Variants in COL5A2 observed in about 807,000 individuals in gnomAD.
The protein encoded by COL5A2 is collagen type V alpha 2 chain.
In COL5A2, 23 loss-of-function variants were observed where a neutral mutation model predicts 208.2. The observed-to-expected ratio is 0.11, with a 90% CI of 0.08 to 0.16. COL5A2 has a LOEUF of 0.16. Ranked by LOEUF, COL5A2 falls within the 10% of genes least tolerant of loss-of-function variation. The pLI is 1.00. For missense variants in COL5A2, 1,590 were observed against 1,956.4 expected (o/e 0.81, Z 3.53); for synonymous variants, 625 against 628.5 (o/e 0.99, Z 0.08).
chr2:189,163,386 A>G (rs1420671402), intron 1 of COL5A2, among the ~76,000 whole-genome samples: 2 of 152,240 alleles, frequency 1.3e-5, no homozygotes, highest in Admixed American at 6.5e-5. Context: ...AACACAACAC[A>G]TGATGCATTT....
the COL5A2 span, among the ~76,000 whole-genome samples, chr2:189,376,682 G>T: frequency 6.6e-6 from 1 of 152,148 alleles, no homozygotes; most frequent in Non-Finnish European, 1.5e-5. Context: ...CTATGCAGTT[G>T]TAAGAATCCT....
intron 4 of COL5A2, 49 bp downstream of exon 4, chr2:189,100,058 G>A (rs372673369): frequency 1.8e-4 from 256 of 1,431,550 alleles, no homozygotes; most frequent in Non-Finnish European, 1.1e-4. Context: ...TATACTATAA[G>A]CTAAGTTTAT....
the COL5A2 span, among the ~76,000 whole-genome samples, chr2:189,363,702 A>G: frequency 7.9e-5 from 12 of 152,170 alleles, no homozygotes; most frequent in African/African-American, 2.9e-4. Flanking sequence ...TAACAGATCA[A>G]CTTCCTCTTC....
chr2:189,114,532 A>G (rs760976200), intron 1 of COL5A2, among the ~76,000 whole-genome samples: 6 of 152,026 alleles, frequency 3.9e-5, no homozygotes, highest in Non-Finnish European at 8.8e-5. Context: ...TTTTCAAATG[A>G]CATTCTGAGA....
the COL5A2 span, among the ~76,000 whole-genome samples, chr2:189,374,710 A>T: frequency 6.6e-6 from 1 of 152,244 alleles, no homozygotes; most frequent in South Asian, 2.1e-4. Flanking sequence ...ATACTGTTGC[A>T]TCTTACTGTA....
At chr2:189,118,956 T>C (rs886423549) in intron 1 of COL5A2, among the ~76,000 whole-genome samples, 4 of 151,832 alleles carry the variant, frequency 2.6e-5, no homozygotes, top group Non-Finnish European at 5.9e-5. Flanking sequence ...AAAAAAACTG[T>C]AATTGTTATT....
the COL5A2 span, among the ~76,000 whole-genome samples, chr2:189,265,281 A>T: frequency 6.6e-6 from 1 of 152,256 alleles, no homozygotes; most frequent in Admixed American, 6.5e-5. Flanking sequence ...ACAACAACAG[A>T]TATTTATTCT....
chr2:189,350,296 A>G, the COL5A2 span, among the ~76,000 whole-genome samples: 1 of 152,168 alleles, frequency 6.6e-6, no homozygotes, highest in East Asian at 1.9e-4. Flanking sequence ...CTGGAACAAA[A>G]TGAAGGTCAA....
the COL5A2 span, among the ~76,000 whole-genome samples, chr2:189,256,319 G>C: frequency 6.6e-6 from 1 of 152,142 alleles, no homozygotes; most frequent in Non-Finnish European, 1.5e-5. Context: ...GTATCTTGGA[G>C]GACACTTATA....
chr2:189,050,163 C>T (rs1273869474), intron 43 of COL5A2, among the ~76,000 whole-genome samples: 1 of 152,156 alleles, frequency 6.6e-6, no homozygotes, highest in African/African-American at 2.4e-5. Context: ...TCAAATATTA[C>T]TTTAGCTCAA....
the COL5A2 span, among the ~76,000 whole-genome samples, chr2:189,278,506 C>T: frequency 5.4e-3 from 822 of 152,026 alleles, 6 homozygotes; most frequent in African/African-American, 0.019. Flanking sequence ...AGTCATAAAC[C>T]ATGTTTTCAA....
intron 6 of COL5A2, chr2:189,095,888 G>C (rs1686900010): frequency 6.6e-6 from 1 of 152,004 alleles, no homozygotes; most frequent in African/African-American, 2.4e-5. Context: ...ACCAACACTA[G>C]TGAGAAAACT....
At chr2:189,232,212 C>A in the COL5A2 span, among the ~76,000 whole-genome samples, 1 of 151,722 alleles carries the variant, frequency 6.6e-6, no homozygotes, top group South Asian at 2.1e-4. Flanking sequence ...AATTTTTGTG[C>A]AAACTAGAGA....
At chr2:189,419,731 G>A in the COL5A2 span, among the ~76,000 whole-genome samples, 1 of 151,958 alleles carries the variant, frequency 6.6e-6, no homozygotes, top group East Asian at 1.9e-4. Flanking sequence ...AGGACTTTGA[G>A]GCTGCAGTGA....
chr2:189,422,436 A>C, the COL5A2 span, among the ~76,000 whole-genome samples: 6 of 152,166 alleles, frequency 3.9e-5, no homozygotes, highest in African/African-American at 1.4e-4. Context: ...GATCAAGCAG[A>C]AGAAAGAATT....
the COL5A2 span, among the ~76,000 whole-genome samples, chr2:189,282,137 G>A: frequency 1.3e-5 from 2 of 152,062 alleles, no homozygotes; most frequent in Admixed American, 6.6e-5. Flanking sequence ...AGTGAACCAA[G>A]ATCACGCCAC....
At chr2:189,368,919 T>C in the COL5A2 span, among the ~76,000 whole-genome samples, 10 of 152,138 alleles carry the variant, frequency 6.6e-5, no homozygotes, top group Admixed American at 2.0e-4. Flanking sequence ...CTTGAGAAGT[T>C]CCATCCTTCT....
chr2:189,257,502 CA>C, the COL5A2 span, among the ~76,000 whole-genome samples: 1 of 152,198 alleles, frequency 6.6e-6, no homozygotes, highest in African/African-American at 2.4e-5. Flanking sequence ...GACTTTAAAA[CA>C]GATTTTGCTT....
chr2:189,311,537 T>C, the COL5A2 span: 1 of 1,244,642 alleles, frequency 8.0e-7, no homozygotes, highest in Non-Finnish European at 1.1e-6. Context: ...CAGGATCCTG[T>C]TGAGCTGCTC....
Sources: gnomAD v4.1 joint callset for allele counts (sites outside exome capture counted in the v4.1 genomes callset) on GRCh38, gnomAD v4.1.1 for gene constraint, MANE v1.5 for transcripts, NCBI Gene and HGNC (gene_info 2026-07-23, HGNC 2026-07-21) for gene names.